The following ATP10D variants were observed in gnomAD, a reference collection of about 807,000 sequenced individuals.
ATP10D encodes the protein phospholipid-transporting ATPase VD.
ATP10D carries 89 observed loss-of-function variants against 144.8 expected under a neutral mutation model. The observed-to-expected ratio is 0.61, with a 90% CI of 0.52 to 0.73. ATP10D has a LOEUF of 0.73. Among genes scored for constraint, ATP10D ranks in the 30% least tolerant of loss-of-function variants. ATP10D has a pLI of 0.00. For synonymous variants in ATP10D, 571 were observed against 615.1 expected (o/e 0.93, Z 1.06); for missense variants, 1,603 against 1,714.8 (o/e 0.93, Z 1.15).
At chr4:47,535,657 T>C (rs766152830) in intron 6 of ATP10D, 42 bp downstream of exon 6, 1 of 1,549,070 alleles carries the variant, frequency 6.5e-7, no homozygotes, top group Non-Finnish European at 8.7e-7. Flanking sequence ...TCTGTGCTTT[T>C]CTACAAGTTA....
chr4:47,507,493 G>A (rs1254493180), intron 1 of ATP10D, among the ~76,000 whole-genome samples: 1 of 152,140 alleles, frequency 6.6e-6, no homozygotes, highest in South Asian at 2.1e-4. Context: ...TAATAAAGGT[G>A]AATGATACAA....
intron 1 of ATP10D, among the ~76,000 whole-genome samples, chr4:47,492,688 A>G (rs1198580757): frequency 6.6e-6 from 1 of 152,196 alleles, no homozygotes; most frequent in South Asian, 2.1e-4. Context: ...TAATTATATT[A>G]ATATTAATTC....
chr4:47,567,878 T>C (rs575851260), intron 15 of ATP10D, among the ~76,000 whole-genome samples: 1 of 152,358 alleles, frequency 6.6e-6, no homozygotes, highest in South Asian at 2.1e-4. Flanking sequence ...GCATTTAAAA[T>C]CAAAGCAAAC....
chr4:47,488,841 G>T (rs1271043653), intron 1 of ATP10D, among the ~76,000 whole-genome samples: 2 of 152,180 alleles, frequency 1.3e-5, no homozygotes, highest in Middle Eastern at 3.4e-3. Context: ...TGGGATTAGT[G>T]CCCTCATAAA....
At chr4:47,512,957 A>T in intron 2 of ATP10D, 127 bp downstream of exon 2, 1 of 934,624 alleles carries the variant, frequency 1.1e-6, no homozygotes, top group South Asian at 1.8e-5. Flanking sequence ...GACAATTTTG[A>T]TACAAATCTG....
intron 3 of ATP10D, among the ~76,000 whole-genome samples, chr4:47,518,890 C>A (rs1285632984): frequency 6.6e-6 from 1 of 152,084 alleles, no homozygotes; most frequent in Admixed American, 6.5e-5. Context: ...TTTACAGGGC[C>A]ACTTAAGAGC....
intron 3 of ATP10D, among the ~76,000 whole-genome samples, chr4:47,520,071 G>A (rs1338222098): frequency 6.6e-6 from 1 of 152,178 alleles, no homozygotes; most frequent in African/African-American, 2.4e-5. Context: ...CTAATATAGA[G>A]AAAGAAACTT....
chr4:47,495,592 A>C (rs1170741020), intron 1 of ATP10D, among the ~76,000 whole-genome samples: 1 of 152,200 alleles, frequency 6.6e-6, no homozygotes, highest in African/African-American at 2.4e-5. Context: ...TAATGTTTTT[A>C]AAAATATTTT....
rs1411895542 is a variant in ATP10D at position 47,563,604 on chromosome 4, C to T, written c.2692C>T (p.Leu898=). 1.2e-6 allele frequency: 2 copies of T among 1,610,256 alleles called. No individual in the cohort carries two copies. The highest frequency in any genetic ancestry group is 1.1e-5 in the South Asian group (1 of 90,224). ...AGGTGCTACTGGCATTGAAGACCGT[C>T]TGCAGGAGGGAGTCCCTGAATCTAT... ...LLGATGIEDR[L]QEGVPESIEA... The change falls in exon 15 of 23, where the codon CTG becomes TTG. Residue 898 remains leucine (L), a synonymous_variant. Transcript: ENST00000273859.
At chr4:47,583,148 C>CA (rs1348223866) in intron 21 of ATP10D, 1 of 152,132 alleles carries the variant, frequency 6.6e-6, no homozygotes, top group East Asian at 1.9e-4. Context: ...TCTCTAAAAA[C>CA]AAAAAAGTGT....
chr4:47,590,013 A>C (rs1720956614), intron 22 of ATP10D, among the ~76,000 whole-genome samples: 1 of 152,152 alleles, frequency 6.6e-6, no homozygotes. Flanking sequence ...ATATATCATC[A>C]TACACAGAAA....
chr4:47,544,623 G>T (rs1718318880), intron 9 of ATP10D, among the ~76,000 whole-genome samples: 1 of 152,086 alleles, frequency 6.6e-6, no homozygotes. Context: ...GAAAACAAAG[G>T]CCCAGAAACA....
chr4:47,583,257 G>A (rs1277935261), intron 21 of ATP10D: 1 of 152,190 alleles, frequency 6.6e-6, no homozygotes, highest in Non-Finnish European at 1.5e-5. Context: ...AGTGTTAAAG[G>A]ACAAGACTGA....
intron 5 of ATP10D, among the ~76,000 whole-genome samples, chr4:47,526,701 C>A (rs571674731): frequency 6.6e-6 from 1 of 151,968 alleles, no homozygotes; most frequent in Non-Finnish European, 1.5e-5. Context: ...ATACAAAAAT[C>A]GATTGTATTT....
At chr4:47,521,328 A>G (rs1193449527) in intron 3 of ATP10D, among the ~76,000 whole-genome samples, 2 of 152,162 alleles carry the variant, frequency 1.3e-5, no homozygotes, top group South Asian at 2.1e-4. Context: ...AGCACCATCC[A>G]TCACCTCATA....
intron 11 of ATP10D, among the ~76,000 whole-genome samples, chr4:47,557,437 A>G (rs1719039223): frequency 6.6e-6 from 1 of 152,032 alleles, no homozygotes; most frequent in Non-Finnish European, 1.5e-5. Context: ...AAAGTATTAC[A>G]TAAATATTAA....
chr4:47,548,623 C>T lies in ATP10D; in HGVS notation c.1635+1761C>T, dbSNP rs374260023. On this transcript the variant is annotated intron_variant, in intron 10 of 22. Transcript: ENST00000273859. The stretch of plus-strand genomic sequence containing the variant: ...TTACCAGGCTGTCTTTTCATCTGGG[C>T]CATTTTCTTTTCATTTGCCTTATAC... Among the ~76,000 whole-genome samples, 8 of 152,278 alleles carry T rather than the reference C, an allele frequency of 5.3e-5. No individual in the cohort carries two copies. The East Asian group carries it at 1.2e-3, about 22-fold the overall frequency.
intron 13 of ATP10D, 103 bp downstream of exon 13, chr4:47,559,132 A>G (rs893440203): frequency 1.3e-6 from 1 of 798,506 alleles, no homozygotes; most frequent in African/African-American, 1.7e-5. Context: ...ATGCTGGGGA[A>G]AGTCCCCTGG....
At chr4:47,589,512 A>G (rs1720932512) in intron 22 of ATP10D, among the ~76,000 whole-genome samples, 1 of 152,144 alleles carries the variant, frequency 6.6e-6, no homozygotes, top group African/African-American at 2.4e-5. Flanking sequence ...TGGACATTTA[A>G]GTTGTAACCA....
Sources: allele counts gnomAD v4.1 joint callset (sites outside exome capture counted in the v4.1 genomes callset), GRCh38; gene constraint gnomAD v4.1.1; transcripts MANE v1.5; gene names NCBI Gene and HGNC (gene_info 2026-07-23, HGNC 2026-07-21).